Variants in BAZ1A observed in about 807,000 individuals in gnomAD.
BAZ1A encodes bromodomain adjacent to zinc finger domain protein 1A.
Under a neutral mutation model 185.2 loss-of-function variants are expected in BAZ1A, and 50 were observed. The observed-to-expected ratio is 0.27, with a 90% confidence interval of 0.22 to 0.34. The LOEUF (loss-of-function observed/expected upper bound fraction) is 0.34, where lower values mean the gene tolerates loss of function less well. Among genes scored for constraint, BAZ1A ranks in the 10% least tolerant of loss-of-function variants. The pLI, the probability that BAZ1A is intolerant of heterozygous loss-of-function variation, is 1.00. For missense variants in BAZ1A, 1,356 were observed against 1,839.9 expected, an observed-to-expected ratio of 0.74 and a Z score of 4.81; for synonymous variants, 571 against 615.6, an observed-to-expected ratio of 0.93 and a Z score of 1.07.
intron 3 of BAZ1A, among the ~76,000 whole-genome samples, chr14:34,850,912 AG>A (rs2042586437): frequency 6.6e-6 from 1 of 152,218 alleles, no homozygotes; most frequent in African/African-American, 2.4e-5. Context: ...CTGGTGAAGT[AG>A]AAGAGGTTAA....
chr14:34,833,397 G>A (rs150946498), intron 3 of BAZ1A, among the ~76,000 whole-genome samples: 1,828 of 152,122 alleles, frequency 0.012, 44 homozygotes, highest in African/African-American at 0.041. Context: ...GCGTGGTGGC[G>A]CGCGCCTATA....
chr14:34,773,551 T>G (rs1879376970), intron 20 of BAZ1A, 21 bp downstream of exon 20: 3 of 1,555,650 alleles, frequency 1.9e-6, no homozygotes, highest in Non-Finnish European at 2.6e-6. Context: ...TAATGGTTAC[T>G]TTAGAAAAAT....
intron 4 of BAZ1A, among the ~76,000 whole-genome samples, chr14:34,812,265 A>C (rs2041941281): frequency 6.6e-6 from 1 of 152,164 alleles, no homozygotes; most frequent in Non-Finnish European, 1.5e-5. Context: ...CAACTCATGA[A>C]AAACCTTGGG....
intron 4 of BAZ1A, among the ~76,000 whole-genome samples, chr14:34,814,385 G>A (rs923756439): frequency 6.6e-5 from 10 of 151,960 alleles, no homozygotes; most frequent in African/African-American, 2.4e-4. Flanking sequence ...ACTAACAGGA[G>A]AGAAAACCAA....
chr14:34,795,037 A>T, intron 10 of BAZ1A, 150 bp from the exon 11 acceptor site: 1 of 1,079,902 alleles, frequency 9.3e-7, no homozygotes. Flanking sequence ...ATCACCTTTG[A>T]AACTTCTAAA....
intron 3 of BAZ1A, among the ~76,000 whole-genome samples, chr14:34,831,251 C>G (rs2042238329): frequency 6.6e-6 from 1 of 152,256 alleles, no homozygotes; most frequent in African/African-American, 2.4e-5. Flanking sequence ...ATAGAGCTGC[C>G]ATGTTCTCCC....
chr14:34,758,785 C>T lies in BAZ1A; in HGVS notation c.4305G>A (p.Leu1435=), dbSNP rs766916572. 2.5e-6 allele frequency: 4 copies of T among 1,614,180 alleles called. No homozygotes were observed. The highest frequency in any genetic ancestry group is 1.1e-5 in the South Asian group (1 of 91,084). ...CTACAACAAGTTGTTCAAAAGCAGA[C>T]AATTCATGAACTCCTCCCTGTCGGC... The part of the protein sequence containing the change: ...SSGRQGGVHE[L]SAFEQLVVEL... The change falls in exon 25 of 27, where the codon TTG becomes TTA. Residue 1435 remains leucine (L), a synonymous_variant. Coordinates refer to ENST00000360310, the MANE Select transcript of BAZ1A (RefSeq NM_013448.3).
chr14:34,864,858 C>T (rs1179871693), intron 2 of BAZ1A, among the ~76,000 whole-genome samples: 1 of 151,220 alleles, frequency 6.6e-6, no homozygotes, highest in Non-Finnish European at 1.5e-5. Flanking sequence ...CTCACTGCAA[C>T]CTCCGCCTCC....
At chr14:34,792,655 G>A in intron 12 of BAZ1A, 120 bp downstream of exon 12, 1 of 1,187,966 alleles carries the variant, frequency 8.4e-7, no homozygotes, top group Non-Finnish European at 1.2e-6. Context: ...TCAACATCAG[G>A]TAACCTGAAC....
intron 3 of BAZ1A, 133 bp downstream of exon 3, chr14:34,861,911 G>A: frequency 1.0e-6 from 1 of 1,004,648 alleles, no homozygotes. Flanking sequence ...TAACACCGGG[G>A]CTATCTGTGG....
At chr14:34,857,209 T>A (rs924934045) in intron 3 of BAZ1A, among the ~76,000 whole-genome samples, 7 of 152,038 alleles carry the variant, frequency 4.6e-5, no homozygotes, top group African/African-American at 1.7e-4. Context: ...GGTTTCACCG[T>A]GTTAGCCAGG....
chr14:34,775,867 A>C, intron 18 of BAZ1A, 52 bp downstream of exon 18: 5 of 1,413,702 alleles, frequency 3.5e-6, no homozygotes, highest in Non-Finnish European at 4.8e-6. Context: ...CTGAATGACC[A>C]GAGATTAGGG....
chr14:34,838,442 T>A (rs753861195), intron 3 of BAZ1A, among the ~76,000 whole-genome samples: 3 of 152,168 alleles, frequency 2.0e-5, no homozygotes, highest in Non-Finnish European at 4.4e-5. Context: ...ATGTTCTGTA[T>A]TATAACTATA....
intron 12 of BAZ1A, chr14:34,786,603 G>GTTT (rs542523340): frequency 0.21 from 21,823 of 104,848 alleles, 4,193 homozygotes; most frequent in Admixed American, 0.26. Context: ...TCTTTTATGT[G>GTTT]TGTTTTTTTT....
At chr14:34,864,153 T>C (rs2042816322) in intron 2 of BAZ1A, among the ~76,000 whole-genome samples, 1 of 152,010 alleles carries the variant, frequency 6.6e-6, no homozygotes, top group South Asian at 2.1e-4. Context: ...TTTATGTATT[T>C]ACTTTCCAGA....
In BAZ1A at chr14:34,753,430, C is replaced by A; in HGVS notation, c.*78G>T. Reference sequence around the variant, plus strand: ...TCATGTGGTCAATCAATTGTTATTGCTTTATACAGCATGATTTAATGTTCC... The same window carrying A: ...TCATGTGGTCAATCAATTGTTATTGATTTATACAGCATGATTTAATGTTCC... On this transcript the variant is annotated 3_prime_UTR_variant, in exon 27 of 27. Coordinates refer to ENST00000360310, the MANE Select transcript of BAZ1A (RefSeq NM_013448.3). The A allele has an allele frequency of 1.5e-6, 2 of 1,332,158 alleles. No homozygotes were observed. The highest frequency in any genetic ancestry group is 2.1e-6 in the Non-Finnish European group (2 of 949,198). 82.5% of individuals were successfully genotyped at this position (1,332,158 alleles called of 1,614,324 possible).
chr14:34,801,843 T>C (rs8007282), intron 7 of BAZ1A, among the ~76,000 whole-genome samples: 3,216 of 149,510 alleles, frequency 0.022, 129 homozygotes, highest in African/African-American at 0.075. Flanking sequence ...GAGGTGGAGG[T>C]TGCAGTGAGC....
At chr14:34,873,758 A>T (rs2042991647) in intron 2 of BAZ1A, among the ~76,000 whole-genome samples, 1 of 114,976 alleles carries the variant, frequency 8.7e-6, no homozygotes, top group African/African-American at 3.2e-5. Flanking sequence ...GGGGGCGGAG[A>T]CGCTGAGTTC....
chr14:34,793,083 T>G (rs1880953979), intron 11 of BAZ1A, among the ~76,000 whole-genome samples, 162 bp from the exon 12 acceptor site: 1 of 152,168 alleles, frequency 6.6e-6, no homozygotes, highest in Non-Finnish European at 1.5e-5. Context: ...AAATAAGAAT[T>G]TATAATGATT....
Sources: gnomAD v4.1 joint callset for allele counts (sites outside exome capture counted in the v4.1 genomes callset) on GRCh38, gnomAD v4.1.1 for gene constraint, MANE v1.5 for transcripts, NCBI Gene and HGNC (gene_info 2026-07-23, HGNC 2026-07-21) for gene names.